SERPINB12: variants seen among roughly 807,000 people sequenced by gnomAD.
The protein encoded by SERPINB12 is serpin family B member 12.
A neutral mutation model predicts 41.1 loss-of-function variants in SERPINB12; 57 were observed. That is an observed-to-expected ratio of 1.39 (90% CI 1.12 to 1.73). The LOEUF is 1.73. Ranked by LOEUF, SERPINB12 falls within the 40% of genes most tolerant of loss-of-function variation. SERPINB12 has a pLI of 0.00. For missense variants in SERPINB12, 536 were observed against 501.9 expected, an observed-to-expected ratio of 1.07 and a Z score of -0.65; for synonymous variants, 180 against 181.3, an observed-to-expected ratio of 0.99 and a Z score of 0.06.
chr18:63,536,483 A>C, the SERPINB12 span, among the ~76,000 whole-genome samples: 1 of 152,158 alleles, frequency 6.6e-6, no homozygotes, highest in African/African-American at 2.4e-5. Flanking sequence ...AAATAAAACA[A>C]GGTGATTCCA....
intron 1 of SERPINB12, among the ~76,000 whole-genome samples, chr18:63,551,466 C>T (rs1016932081): frequency 1.3e-5 from 2 of 151,964 alleles, no homozygotes; most frequent in Admixed American, 6.5e-5. Context: ...GCTGGGATTA[C>T]AGGTGCATGC....
chr18:63,551,873 G>A (rs927265133), intron 1 of SERPINB12, among the ~76,000 whole-genome samples: 1 of 152,120 alleles, frequency 6.6e-6, no homozygotes, highest in Admixed American at 6.6e-5. Context: ...CCATGTAAAA[G>A]GCATTATTGA....
In SERPINB12 at chr18:63,566,924, G is replaced by T; in HGVS notation, c.1191G>T (p.Glu397Asp). ...VSERSLRSWV[E>D]FNANHPFLFF... is the part of the protein sequence containing the mutation. ...AAAGGTCACTACGATCTTGGGTGGA[G>T]TTTAATGCCAACCACCCTTTTCTCT... The change falls in exon 8 of 8, where the codon GAG becomes GAT. Residue 397 changes from glutamate (E) to aspartate (D), a missense_variant. Physicochemically the swap from Glu to Asp is conservative, Grantham distance 45 (BLOSUM62 2). Transcript: ENST00000382768. 1 of 1,614,110 alleles carries T rather than the reference G, an allele frequency of 6.2e-7. No homozygotes were observed. The highest frequency in any genetic ancestry group is 8.5e-7 in the Non-Finnish European group (1 of 1,180,000).
intron 1 of SERPINB12, among the ~76,000 whole-genome samples, chr18:63,543,357 C>G (rs1027574089): frequency 6.6e-6 from 1 of 152,090 alleles, no homozygotes; most frequent in African/African-American, 2.4e-5. Context: ...AGGAGAGACC[C>G]TCGTAGTGGA....
the SERPINB12 span, among the ~76,000 whole-genome samples, chr18:63,536,186 T>C: frequency 1.3e-5 from 2 of 151,752 alleles, no homozygotes; most frequent in African/African-American, 4.8e-5. Context: ...AACAGTTCTT[T>C]CAAAAAATTC....
At chr18:63,532,873 G>T in the SERPINB12 span, among the ~76,000 whole-genome samples, 1 of 152,156 alleles carries the variant, frequency 6.6e-6, no homozygotes, top group East Asian at 1.9e-4. Flanking sequence ...GAATATGTTT[G>T]TAGTGGGTTC....
chr18:63,557,836 A>C (rs995954972), intron 2 of SERPINB12, among the ~76,000 whole-genome samples: 1 of 152,228 alleles, frequency 6.6e-6, no homozygotes, highest in East Asian at 1.9e-4. Context: ...TGACACAAAC[A>C]TAATGAGAAC....
the SERPINB12 span, among the ~76,000 whole-genome samples, chr18:63,521,967 A>G: frequency 6.6e-6 from 1 of 152,232 alleles, no homozygotes; most frequent in African/African-American, 2.4e-5. Flanking sequence ...ACCAGAACTC[A>G]AAAGCAATAG....
chr18:63,539,597 G>A (rs575871294), upstream of SERPINB12, among the ~76,000 whole-genome samples: 7 of 151,912 alleles, frequency 4.6e-5, no homozygotes, highest in Admixed American at 2.0e-4. Flanking sequence ...ACCCCACCCC[G>A]CCTGCTTTCA....
chr18:63,554,778 G>T (rs1323486621), intron 1 of SERPINB12, among the ~76,000 whole-genome samples: 1 of 152,100 alleles, frequency 6.6e-6, no homozygotes, highest in Non-Finnish European at 1.5e-5. Flanking sequence ...ATATGGTTTG[G>T]CTCTGTGTCC....
At chr18:63,551,979 C>T (rs73961716) in intron 1 of SERPINB12, among the ~76,000 whole-genome samples, 12,141 of 152,196 alleles carry the variant, frequency 0.08, 1,014 homozygotes, top group East Asian at 0.29. Context: ...AATCAGATGA[C>T]GTCAGCCAAA....
intron 1 of SERPINB12, among the ~76,000 whole-genome samples, chr18:63,550,006 T>A (rs1910483852): frequency 6.6e-6 from 1 of 152,190 alleles, no homozygotes; most frequent in African/African-American, 2.4e-5. Context: ...ACTTACAGGA[T>A]TTTTTGAAAA....
intron 2 of SERPINB12, among the ~76,000 whole-genome samples, chr18:63,557,646 A>ACAC (rs1446054442): frequency 6.6e-6 from 1 of 152,222 alleles, no homozygotes; most frequent in Non-Finnish European, 1.5e-5. Flanking sequence ...TGTGGTTTGC[A>ACAC]TCTTGCAGGG....
At chr18:63,560,435 G>T (rs1296365727) in intron 4 of SERPINB12, among the ~76,000 whole-genome samples, 1 of 152,182 alleles carries the variant, frequency 6.6e-6, no homozygotes, top group Non-Finnish European at 1.5e-5. Flanking sequence ...TCCTTGCAAT[G>T]AAAGTAAGAT....
chr18:63,538,702 A>G (rs1322471164), upstream of SERPINB12, among the ~76,000 whole-genome samples: 1 of 152,126 alleles, frequency 6.6e-6, no homozygotes, highest in African/African-American at 2.4e-5. Flanking sequence ...TCTTAGGTTT[A>G]TACCTATGAG....
chr18:63,557,422 A>G (rs1452606881), intron 2 of SERPINB12, among the ~76,000 whole-genome samples: 1 of 152,176 alleles, frequency 6.6e-6, no homozygotes, highest in East Asian at 1.9e-4. Flanking sequence ...CAAATCCCCA[A>G]ATAAACTACA....
chr18:63,529,031 G>A, the SERPINB12 span, among the ~76,000 whole-genome samples: 2 of 152,154 alleles, frequency 1.3e-5, no homozygotes, highest in African/African-American at 4.8e-5. Context: ...AGTTCCAGGG[G>A]CCATTGATCC....
chr18:63,528,556 G>T, the SERPINB12 span, among the ~76,000 whole-genome samples: 2 of 152,136 alleles, frequency 1.3e-5, no homozygotes, highest in Admixed American at 1.3e-4. Flanking sequence ...ACTTTTGGGA[G>T]ATGTTCAGAA....
chr18:63,561,330 A>T (rs1013078691), intron 5 of SERPINB12, 128 bp downstream of exon 5: 3 of 609,688 alleles, frequency 4.9e-6, no homozygotes, highest in Non-Finnish European at 5.9e-6. Flanking sequence ...TGTTCAAAGC[A>T]TGGTTTGCAG....
Sources: gnomAD v4.1 joint callset for allele counts (sites outside exome capture counted in the v4.1 genomes callset) on GRCh38, gnomAD v4.1.1 for gene constraint, MANE v1.5 for transcripts, NCBI Gene and HGNC (gene_info 2026-07-23, HGNC 2026-07-21) for gene names.